XIRP2: variants seen among roughly 807,000 people sequenced by gnomAD.
XIRP2 encodes the protein xin actin binding repeat containing 2.
XIRP2 carries 236 observed loss-of-function variants against 277.0 expected under a neutral mutation model. The observed-to-expected ratio is 0.85, with a 90% CI of 0.77 to 0.95. The LOEUF is 0.95. Among genes scored for constraint, XIRP2 ranks in the 40% least tolerant of loss-of-function variants. The pLI, the probability that XIRP2 is intolerant of heterozygous loss-of-function variation, is 0.00. For synonymous variants in XIRP2, 1,490 were observed against 1,416.5 expected (o/e 1.05, Z -1.17); for missense variants, 4,640 against 4,157.5 (o/e 1.12, Z -3.19).
At chr2:167,103,474 T>C (rs1690539884) in intron 2 of XIRP2, among the ~76,000 whole-genome samples, 1 of 151,924 alleles carries the variant, frequency 6.6e-6, no homozygotes, top group African/African-American at 2.4e-5. Flanking sequence ...TCTTTGTTTC[T>C]TTCTTGCTCA....
At position 166,950,754 on chromosome 2, in the gene XIRP2, C is replaced by A. The variant is rs946902903; in HGVS notation, c.408+46864C>A. ...TGATTTTCTAAGGCATTTTTTTGAG[C>A]AATAATGTGATTTCTTCTTGTTGTT... On this transcript the variant is annotated intron_variant, in intron 2 of 10. Coordinates refer to ENST00000409195, the MANE Select transcript of XIRP2 (RefSeq NM_152381.6). 2.0e-5 allele frequency among the ~76,000 whole-genome samples: 3 copies of A among 152,024 alleles called. No homozygotes were observed. The East Asian group carries it at 5.8e-4, about 30-fold the overall frequency.
chr2:166,940,310 G>A (rs925349499), intron 2 of XIRP2, among the ~76,000 whole-genome samples: 4 of 152,100 alleles, frequency 2.6e-5, no homozygotes, highest in Admixed American at 6.5e-5. Context: ...GTCATTTAAT[G>A]ACTTCTCTTC....
rs544298335 is a variant in XIRP2, at chr2:166,896,192, A to G, written c.-18-7273A>G. Among the ~76,000 whole-genome samples the G allele has an allele frequency of 5.9e-5, 9 of 152,300 alleles. No individual in the cohort carries two copies. The East Asian group carries it at 1.7e-3, about 29-fold the overall frequency. Reference sequence around the variant, plus strand: ...AAAACATCCCTATTGCCCAGTATTTACTATACCATGTTTTTATAATTGTTA... The same window carrying G: ...AAAACATCCCTATTGCCCAGTATTTGCTATACCATGTTTTTATAATTGTTA... On this transcript the variant is annotated intron_variant, in intron 1 of 10. Coordinates refer to ENST00000409195, the MANE Select transcript of XIRP2 (RefSeq NM_152381.6).
At chr2:167,214,093 A>AGAAGGAAGGAGG (rs1694148071) in intron 4 of XIRP2, among the ~76,000 whole-genome samples, 1 of 64,318 alleles carries the variant, frequency 1.6e-5, no homozygotes, top group Admixed American at 1.8e-4. Context: ...GAAGAAAGAA[A>AGAAGGAAGGAGG]GAAGGAAGGA....
chr2:167,023,963 T>A (rs1688065116), intron 2 of XIRP2, among the ~76,000 whole-genome samples: 1 of 152,148 alleles, frequency 6.6e-6, no homozygotes, highest in Non-Finnish European at 1.5e-5. Flanking sequence ...CCATATGAAC[T>A]TTAAATTAGT....
At chr2:166,927,855 A>G in intron 2 of XIRP2, among the ~76,000 whole-genome samples, 1 of 152,148 alleles carries the variant, frequency 6.6e-6, no homozygotes, top group East Asian at 1.9e-4. Flanking sequence ...TTATGTTTCA[A>G]AGCCATGAAT....
chr2:167,065,825 T>G (rs1174584902), intron 2 of XIRP2, among the ~76,000 whole-genome samples: 3 of 151,946 alleles, frequency 2.0e-5, no homozygotes, highest in Non-Finnish European at 4.4e-5. Context: ...GAAAGGTATT[T>G]TCACTGGTTA....
At chr2:166,938,587 A>T (rs1296133727) in intron 2 of XIRP2, among the ~76,000 whole-genome samples, 1 of 152,136 alleles carries the variant, frequency 6.6e-6, no homozygotes, top group Admixed American at 6.6e-5. Flanking sequence ...TTGGGGTAGA[A>T]AGTTCTGTAG....
intron 2 of XIRP2, among the ~76,000 whole-genome samples, chr2:167,068,242 AAAAC>A (rs1033077103): frequency 5.3e-5 from 8 of 152,012 alleles, no homozygotes; most frequent in African/African-American, 1.7e-4. Context: ...TTTTCTGTGG[AAAAC>A]AAACAAAAAA....
At chr2:167,078,686 A>C (rs1689644889) in intron 2 of XIRP2, among the ~76,000 whole-genome samples, 1 of 152,064 alleles carries the variant, frequency 6.6e-6, no homozygotes, top group South Asian at 2.1e-4. Flanking sequence ...ATTACAAAAA[A>C]TTAGCAAGGG....
chr2:166,923,947 T>C (rs1685121452), intron 2 of XIRP2, among the ~76,000 whole-genome samples: 1 of 151,804 alleles, frequency 6.6e-6, no homozygotes, highest in Non-Finnish European at 1.5e-5. Flanking sequence ...TACTCCTGAG[T>C]GATTTAAGAA....
chr2:167,156,306 A>C (rs111316796), intron 3 of XIRP2, among the ~76,000 whole-genome samples: 3,657 of 152,302 alleles, frequency 0.024, 59 homozygotes, highest in East Asian at 0.048. Flanking sequence ...CCTAAGCTAA[A>C]ATAGTAAAGT....
intron 2 of XIRP2, among the ~76,000 whole-genome samples, chr2:167,003,724 G>A (rs1574151773): frequency 6.6e-6 from 1 of 151,956 alleles, no homozygotes; most frequent in East Asian, 1.9e-4. Flanking sequence ...CGAAGCAATG[G>A]AAAGCTGCTG....
intron 2 of XIRP2, among the ~76,000 whole-genome samples, chr2:167,013,766 A>G (rs977604836): frequency 3.3e-5 from 5 of 151,602 alleles, no homozygotes; most frequent in African/African-American, 1.2e-4. Context: ...GAAATGATAT[A>G]AGGATATCTT....
At chr2:167,059,952 T>A (rs1403612519) in intron 2 of XIRP2, among the ~76,000 whole-genome samples, 2 of 152,148 alleles carry the variant, frequency 1.3e-5, no homozygotes, top group African/African-American at 4.8e-5. Flanking sequence ...AAGTACTGAA[T>A]GATAAGAGAA....
intron 2 of XIRP2, among the ~76,000 whole-genome samples, chr2:167,023,585 T>G (rs1688051648): frequency 1.3e-5 from 2 of 152,234 alleles, no homozygotes; most frequent in Non-Finnish European, 1.5e-5. Flanking sequence ...TTTTATGGTT[T>G]TAGGTCAAAC....
At chr2:167,238,169 A>G (rs1694955541) in intron 5 of XIRP2, among the ~76,000 whole-genome samples, 1 of 152,230 alleles carries the variant, frequency 6.6e-6, no homozygotes, top group East Asian at 1.9e-4. Flanking sequence ...TTATTCATGT[A>G]TGCATTCCTC....
rs1426292241 is a variant in XIRP2, at chr2:167,087,089, C to G, written c.409-48820C>G. Among the ~76,000 whole-genome samples the G allele has an allele frequency of 3.3e-5, 5 of 151,770 alleles. No individual in the cohort carries two copies. In the East Asian group the frequency reaches 9.7e-4, roughly 29 times the overall value. Reference sequence around the variant, plus strand: ...CTTTGTGGTTTTATCTACTTTTGGTCTTTGATGATGGTGATGTACACATGG... The same window carrying G: ...CTTTGTGGTTTTATCTACTTTTGGTGTTTGATGATGGTGATGTACACATGG... On this transcript the variant is annotated intron_variant, in intron 2 of 10. Transcript: ENST00000409195.
At chr2:166,957,848 A>G (rs1409407892) in intron 2 of XIRP2, among the ~76,000 whole-genome samples, 4 of 151,970 alleles carry the variant, frequency 2.6e-5, no homozygotes, top group Non-Finnish European at 4.4e-5. Context: ...CTAACTCTGT[A>G]TAAGACATGA....
Sources: gnomAD v4.1 joint callset for allele counts (sites outside exome capture counted in the v4.1 genomes callset) on GRCh38, gnomAD v4.1.1 for gene constraint, MANE v1.5 for transcripts, NCBI Gene and HGNC (gene_info 2026-07-23, HGNC 2026-07-21) for gene names.